NCKAP5: variants seen among roughly 807,000 people sequenced by gnomAD.
The protein encoded by NCKAP5 is NCK associated protein 5, also known as nck-associated protein 5.
A neutral mutation model predicts 167.0 loss-of-function variants in NCKAP5; 92 were observed. The ratio of observed to expected loss-of-function variants is 0.55; its 90% CI spans 0.47 to 0.66. NCKAP5 has a LOEUF of 0.66. NCKAP5 is among the 30% of genes least tolerant of loss of function. The pLI is 0.00. For missense variants in NCKAP5, 2,378 were observed against 2,315.0 expected (o/e 1.03, Z -0.56); for synonymous variants, 891 against 877.4 (o/e 1.02, Z -0.27).
chr2:133,515,190 C>T (rs577810057), intron 3 of NCKAP5, among the ~76,000 whole-genome samples: 7 of 152,284 alleles, frequency 4.6e-5, no homozygotes, highest in Admixed American at 2.6e-4. Context: ...ATTCAAGGTG[C>T]TTTCAATGGT....
the NCKAP5 span, among the ~76,000 whole-genome samples, chr2:133,600,138 C>G: frequency 2.6e-5 from 4 of 152,214 alleles, no homozygotes; most frequent in African/African-American, 9.6e-5. Context: ...GAAAGGCCAA[C>G]TTGAAAAAGC....
At chr2:132,785,757 T>C in intron 13 of NCKAP5, 39 bp from the exon 14 acceptor site, 1 of 1,414,348 alleles carries the variant, frequency 7.1e-7, no homozygotes, top group Non-Finnish European at 9.3e-7. Context: ...GATTGAACCA[T>C]GTAGATCACA....
chr2:132,907,668 T>C (rs1694106742), intron 8 of NCKAP5, among the ~76,000 whole-genome samples: 1 of 151,938 alleles, frequency 6.6e-6, no homozygotes, highest in African/African-American at 2.4e-5. Flanking sequence ...TCTTTTTTCT[T>C]TTTTTTTGAG....
chr2:133,189,857 C>T (rs1277985733), intron 5 of NCKAP5, among the ~76,000 whole-genome samples: 6 of 152,134 alleles, frequency 3.9e-5, no homozygotes, highest in Admixed American at 3.9e-4. Context: ...CCTTTGAAAA[C>T]TGGCACAAGA....
At chr2:133,610,399 A>C in the NCKAP5 span, among the ~76,000 whole-genome samples, 68 of 152,288 alleles carry the variant, frequency 4.5e-4, no homozygotes, top group African/African-American at 1.4e-3. Context: ...GAGGAAGAAG[A>C]AGCTTGGGGA....
At chr2:132,924,692 A>G (rs1166311889) in intron 8 of NCKAP5, among the ~76,000 whole-genome samples, 1 of 152,226 alleles carries the variant, frequency 6.6e-6, no homozygotes, top group Non-Finnish European at 1.5e-5. Context: ...CTAATTTCAA[A>G]GTCTTACATA....
intron 19 of NCKAP5, among the ~76,000 whole-genome samples, chr2:132,692,552 T>A (rs1686865054): frequency 6.6e-6 from 1 of 152,024 alleles, no homozygotes. Context: ...ACTTGCTCCA[T>A]CCACAATACC....
At chr2:133,643,121 C>T in the NCKAP5 span, among the ~76,000 whole-genome samples, 1 of 152,040 alleles carries the variant, frequency 6.6e-6, no homozygotes, top group Admixed American at 6.6e-5. Context: ...GCCTTTGTTA[C>T]TGAAACAAAC....
chr2:133,074,494 G>A (rs996805194), intron 6 of NCKAP5, among the ~76,000 whole-genome samples: 2 of 152,038 alleles, frequency 1.3e-5, no homozygotes, highest in African/African-American at 4.8e-5. Flanking sequence ...CTGAGTAGCT[G>A]GGACTACAGA....
chr2:132,927,348 G>A (rs140353105), intron 8 of NCKAP5, among the ~76,000 whole-genome samples: 146 of 151,096 alleles, frequency 9.7e-4, no homozygotes, highest in African/African-American at 3.4e-3. Context: ...GGCTATTCAG[G>A]CTCTTTTGGT....
intron 3 of NCKAP5, among the ~76,000 whole-genome samples, chr2:133,318,811 C>T (rs1288783871): frequency 6.6e-6 from 1 of 152,132 alleles, no homozygotes; most frequent in Non-Finnish European, 1.5e-5. Context: ...GGTATGCTCC[C>T]CTGGGTTCTA....
chr2:133,330,538 T>C (rs971583672), intron 3 of NCKAP5, among the ~76,000 whole-genome samples: 1 of 152,088 alleles, frequency 6.6e-6, no homozygotes, highest in African/African-American at 2.4e-5. Context: ...GCAAAACTCT[T>C]AATTATAACT....
chr2:133,595,797 C>T, the NCKAP5 span, among the ~76,000 whole-genome samples: 1 of 152,136 alleles, frequency 6.6e-6, no homozygotes, highest in Non-Finnish European at 1.5e-5. Context: ...AATATGTAAA[C>T]AAACAAGCAT....
chr2:132,690,961 G>A (rs186423790), intron 19 of NCKAP5, among the ~76,000 whole-genome samples: 4 of 152,290 alleles, frequency 2.6e-5, no homozygotes, highest in Admixed American at 2.6e-4. Context: ...TCCTTAAAGA[G>A]GGTGGTGACT....
intron 8 of NCKAP5, among the ~76,000 whole-genome samples, chr2:132,922,851 T>A (rs1695550055): frequency 6.6e-6 from 1 of 152,202 alleles, no homozygotes; most frequent in Non-Finnish European, 1.5e-5. Flanking sequence ...TCCAGTTCTT[T>A]TAACTTCTGG....
chr2:133,218,473 T>C (rs966199555), intron 4 of NCKAP5, among the ~76,000 whole-genome samples: 3 of 152,202 alleles, frequency 2.0e-5, no homozygotes, highest in South Asian at 2.1e-4. Context: ...CTTAGTGTTA[T>C]GACAAAAATA....
At chr2:133,484,281 T>A (rs1439240522) in intron 3 of NCKAP5, among the ~76,000 whole-genome samples, 1 of 152,130 alleles carries the variant, frequency 6.6e-6, no homozygotes, top group Non-Finnish European at 1.5e-5. Context: ...GCAGAAACCA[T>A]CTGGTCCAGT....
At chr2:133,568,025 G>A (rs1242530579) in intron 1 of NCKAP5, among the ~76,000 whole-genome samples, 191 bp downstream of exon 1, 2 of 152,058 alleles carry the variant, frequency 1.3e-5, no homozygotes, top group African/African-American at 4.8e-5. Flanking sequence ...AGAGACAAGG[G>A]GTCCTCTACC....
At chr2:133,304,899 G>A (rs140574513) in intron 3 of NCKAP5, among the ~76,000 whole-genome samples, 1 of 152,292 alleles carries the variant, frequency 6.6e-6, no homozygotes, top group East Asian at 1.9e-4. Context: ...TGATAGGAAA[G>A]ACTTTGGGAG....
Sources: gnomAD v4.1 joint callset for allele counts (sites outside exome capture counted in the v4.1 genomes callset) on GRCh38, gnomAD v4.1.1 for gene constraint, MANE v1.5 for transcripts, NCBI Gene and HGNC (gene_info 2026-07-23, HGNC 2026-07-21) for gene names.